IRAK3: variants seen among roughly 807,000 people sequenced by gnomAD.
IRAK3 encodes the protein interleukin-1 receptor-associated kinase 3.
A neutral mutation model predicts 56.6 loss-of-function variants in IRAK3; 57 were observed. The ratio of observed to expected loss-of-function variants is 1.01; its 90% CI spans 0.81 to 1.26. The LOEUF (loss-of-function observed/expected upper bound fraction) is 1.26, where lower values mean the gene tolerates loss of function less well. IRAK3 is among the 50% of genes most tolerant of loss of function. IRAK3 has a pLI of 0.00. For missense variants in IRAK3, 703 were observed against 719.0 expected, an observed-to-expected ratio of 0.98 and a Z score of 0.25; for synonymous variants, 258 against 255.7, an observed-to-expected ratio of 1.01 and a Z score of -0.09.
intron 1 of IRAK3, among the ~76,000 whole-genome samples, chr12:66,196,366 C>T (rs1036156731): frequency 1.3e-5 from 2 of 152,120 alleles, no homozygotes; most frequent in Non-Finnish European, 2.9e-5. Flanking sequence ...ATGTCCTAGT[C>T]CCTGCTTGTA....
chr12:66,245,778 C>A (rs1294106914), intron 11 of IRAK3, among the ~76,000 whole-genome samples: 2 of 152,040 alleles, frequency 1.3e-5, no homozygotes, highest in African/African-American at 4.8e-5. Flanking sequence ...GTGATCCACC[C>A]GCCTTGGCCT....
chr12:66,204,703 A>G (rs997264757), intron 2 of IRAK3, among the ~76,000 whole-genome samples: 4 of 151,920 alleles, frequency 2.6e-5, no homozygotes, highest in African/African-American at 7.3e-5. Context: ...GGCTCTTTTC[A>G]TAGATCGCAT....
chr12:66,203,810 A>C lies in IRAK3; in HGVS notation c.233A>C (p.Gln78Pro). The C allele has an allele frequency of 6.2e-7, 1 of 1,614,082 alleles. No individual in the cohort carries two copies. Among genetic ancestry groups the C allele is most frequent in the Non-Finnish European group, 8.5e-7 (1 of 1,179,938 alleles). ...GTRELLWSWA[Q>P]KNKTIGDLLQ... ...AGAGAATTACTTTGGTCCTGGGCAC[A>C]GAAAAACAAGACCATCGGTGACCTT... is the stretch of plus-strand genomic sequence containing the variant. The change falls in exon 2 of 12, where the codon CAG becomes CCG. Residue 78 changes from glutamine to proline, a missense_variant. Gln to Pro is a moderately conservative substitution (Grantham distance 76). Coordinates refer to ENST00000261233, the MANE Select transcript of IRAK3 (RefSeq NM_007199.3).
At chr12:66,211,972 G>A (rs11176089) in intron 5 of IRAK3, among the ~76,000 whole-genome samples, 7,305 of 152,156 alleles carry the variant, frequency 0.048, 586 homozygotes, top group African/African-American at 0.17. Context: ...TTAGCTGGGC[G>A]TGGTGGTATG....
At chr12:66,225,625 G>A (rs927973798) in intron 6 of IRAK3, among the ~76,000 whole-genome samples, 5 of 151,986 alleles carry the variant, frequency 3.3e-5, no homozygotes, top group African/African-American at 1.2e-4. Flanking sequence ...GAATTAAACC[G>A]AGTTCACAGT....
At chr12:66,225,344 A>T (rs2052774432) in intron 6 of IRAK3, among the ~76,000 whole-genome samples, 2 of 151,880 alleles carry the variant, frequency 1.3e-5, no homozygotes, top group Admixed American at 1.3e-4. Flanking sequence ...TGATATATTT[A>T]AAAATAAAAA....
intron 7 of IRAK3, among the ~76,000 whole-genome samples, chr12:66,227,669 G>T (rs1417458636): frequency 6.6e-6 from 1 of 151,694 alleles, no homozygotes; most frequent in Non-Finnish European, 1.5e-5. Flanking sequence ...GGAGGCAGGA[G>T]AGTTGCTTGA....
chr12:66,239,299 C>CGT, intron 8 of IRAK3, among the ~76,000 whole-genome samples: 1 of 144,614 alleles, frequency 6.9e-6, no homozygotes, highest in South Asian at 2.2e-4. Flanking sequence ...TCAAAATGGA[C>CGT]TTTTTTTTTT....
intron 5 of IRAK3, among the ~76,000 whole-genome samples, chr12:66,213,851 A>G (rs1055465670): frequency 3.9e-5 from 6 of 152,002 alleles, no homozygotes; most frequent in Non-Finnish European, 8.8e-5. Context: ...CCAGAAGAGT[A>G]TCTGGCCAGA....
chr12:66,229,835 C>T (rs1030786067), intron 8 of IRAK3, among the ~76,000 whole-genome samples: 6 of 152,176 alleles, frequency 3.9e-5, no homozygotes, highest in Non-Finnish European at 8.8e-5. Flanking sequence ...ATATGTTTTA[C>T]TGAGTAAATA....
At position 66,189,379 on chromosome 12, in the gene IRAK3, A is replaced by G; in HGVS notation, c.80A>G (p.Glu27Gly). 1 of 1,528,950 alleles carries G rather than the reference A, an allele frequency of 6.5e-7. No individual in the cohort carries two copies. Among genetic ancestry groups the G allele is most frequent in the African/African-American group, 1.4e-5 (1 of 72,622 alleles). 94.7% of individuals were successfully genotyped at this position (1,528,950 alleles called of 1,614,324 possible). A position where few individuals can be genotyped will look rare whatever the true frequency, so the allele number is the denominator to read the frequency against. The change falls in exon 1 of 12, where the codon GAG (glutamate) becomes GGG (glycine). Residue 27 changes from glutamate (E) to glycine (G), a missense_variant. Coordinates refer to ENST00000261233, the MANE Select transcript of IRAK3 (RefSeq NM_007199.3). ...GACCTGCCGCCCGCGCTGCTCGGAG[A>G]GCTCTGCGCTGTTCTGGACAGCTGC... The part of the protein sequence containing the change: ...LFDLPPALLG[E>G]LCAVLDSCDG...
chr12:66,206,413 G>A (rs1745838426), intron 2 of IRAK3, among the ~76,000 whole-genome samples: 1 of 152,006 alleles, frequency 6.6e-6, no homozygotes, highest in African/African-American at 2.4e-5. Flanking sequence ...TTCTTCTGTT[G>A]GTAGGGCTTT....
chr12:66,192,187 G>C (rs935381037), intron 1 of IRAK3, among the ~76,000 whole-genome samples: 13 of 152,082 alleles, frequency 8.5e-5, no homozygotes, highest in Non-Finnish European at 1.6e-4. Context: ...TTTTAATAGT[G>C]TCTTCATATA....
intron 2 of IRAK3, among the ~76,000 whole-genome samples, chr12:66,208,915 A>G (rs1452472995): frequency 6.6e-6 from 1 of 151,830 alleles, no homozygotes; most frequent in Non-Finnish European, 1.5e-5. Flanking sequence ...AATACAAAAA[A>G]AATTAGCCAG....
At chr12:66,200,627 G>C (rs1038285820) in intron 1 of IRAK3, among the ~76,000 whole-genome samples, 3 of 152,156 alleles carry the variant, frequency 2.0e-5, no homozygotes, top group Admixed American at 6.5e-5. Flanking sequence ...CAGCCTCAGT[G>C]GGAGCATAAA....
At chr12:66,204,197 C>G (rs2052535922) in intron 2 of IRAK3, among the ~76,000 whole-genome samples, 1 of 151,714 alleles carries the variant, frequency 6.6e-6, no homozygotes, top group Admixed American at 6.6e-5. Flanking sequence ...AGAATCAGCT[C>G]TCTGTCAAAA....
chr12:66,221,549 T>A (rs1238129385), intron 6 of IRAK3, among the ~76,000 whole-genome samples: 3 of 152,226 alleles, frequency 2.0e-5, no homozygotes, highest in Non-Finnish European at 4.4e-5. Flanking sequence ...ATACCTAATT[T>A]GTTGAGAGTT....
At chr12:66,193,326 T>C (rs2052417663) in intron 1 of IRAK3, among the ~76,000 whole-genome samples, 1 of 152,122 alleles carries the variant, frequency 6.6e-6, no homozygotes, top group African/African-American at 2.4e-5. Flanking sequence ...ATGTATTTTT[T>C]TAAGAACAGT....
intron 2 of IRAK3, 28 bp from the exon 3 acceptor site, chr12:66,209,427 GT>G: frequency 6.8e-7 from 1 of 1,473,408 alleles, no homozygotes; most frequent in Non-Finnish European, 9.5e-7. Context: ...AAATTTTTTT[GT>G]ATCTACCTTC....
Sources: allele counts gnomAD v4.1 joint callset (sites outside exome capture counted in the v4.1 genomes callset), GRCh38; gene constraint gnomAD v4.1.1; transcripts MANE v1.5; gene names NCBI Gene and HGNC (gene_info 2026-07-23, HGNC 2026-07-21).